GCNT2: variants seen among roughly 807,000 people sequenced by gnomAD.
GCNT2 encodes the protein glucosaminyl (N-acetyl) transferase 2 (I blood group), also known as N-acetyllactosaminide beta-1,6-N-acetylglucosaminyl-transferase.
A neutral mutation model predicts 34.2 loss-of-function variants in GCNT2; 34 were observed. The observed-to-expected ratio is 1.00, with a 90% CI of 0.76 to 1.32. GCNT2 has a LOEUF of 1.32. GCNT2 is among the 40% of genes most tolerant of loss of function. GCNT2 has a pLI of 0.00. For synonymous variants in GCNT2, 212 were observed against 188.0 expected (o/e 1.13, Z -1.04); for missense variants, 584 against 489.4 (o/e 1.19, Z -1.82).
chr6:10,618,505 T>C (rs1765891681), intron 3 of GCNT2, among the ~76,000 whole-genome samples: 2 of 152,238 alleles, frequency 1.3e-5, no homozygotes, highest in Non-Finnish European at 2.9e-5. Flanking sequence ...TCTTGTGCTT[T>C]CAAAAATAGT....
intron 3 of GCNT2, among the ~76,000 whole-genome samples, chr6:10,598,307 C>T (rs1251913331): frequency 1.3e-5 from 2 of 152,192 alleles, no homozygotes; most frequent in Non-Finnish European, 2.9e-5. Flanking sequence ...GTGAGAGTTA[C>T]AGACTATGGG....
intron 3 of GCNT2, among the ~76,000 whole-genome samples, chr6:10,546,672 G>T (rs1762285137): frequency 6.6e-6 from 1 of 151,936 alleles, no homozygotes; most frequent in Admixed American, 6.6e-5. Flanking sequence ...GAAAAGAAAA[G>T]AAAATATTAC....
At chr6:10,588,841 T>C (rs958257461) in intron 3 of GCNT2, among the ~76,000 whole-genome samples, 4 of 144,490 alleles carry the variant, frequency 2.8e-5, no homozygotes, top group East Asian at 2.0e-4. Flanking sequence ...ATGTGTGTGG[T>C]GTGTGTGTGG....
chr6:10,624,448 T>G (rs1408587895), intron 4 of GCNT2, among the ~76,000 whole-genome samples: 1 of 152,056 alleles, frequency 6.6e-6, no homozygotes, highest in Non-Finnish European at 1.5e-5. Flanking sequence ...ACTTACTCAC[T>G]ACCACAAGAA....
chr6:10,565,523 T>C (rs1284549437), intron 3 of GCNT2, among the ~76,000 whole-genome samples: 1 of 152,178 alleles, frequency 6.6e-6, no homozygotes, highest in African/African-American at 2.4e-5. Context: ...CCCGCAACCT[T>C]GGCATTGTCA....
chr6:10,585,081 G>A (rs112884320), intron 3 of GCNT2, among the ~76,000 whole-genome samples: 17 of 88,794 alleles, frequency 1.9e-4, no homozygotes, highest in South Asian at 5.3e-4. Context: ...GTGTGTGTGC[G>A]CGCTATATTC....
chr6:10,563,728 TGA>T (rs1363573962), intron 3 of GCNT2, among the ~76,000 whole-genome samples: 1 of 121,710 alleles, frequency 8.2e-6, no homozygotes, highest in Admixed American at 1.1e-4. Flanking sequence ...GGTGACAGAG[TGA>T]GACTCCATCT....
intron 3 of GCNT2, chr6:10,581,956 ATAG>A (rs1391571062): frequency 1.2e-5 from 6 of 498,110 alleles, no homozygotes; most frequent in African/African-American, 1.1e-4. Context: ...ACATAATAAA[ATAG>A]TAATATATAT....
chr6:10,556,498 C>G, intron 3 of GCNT2: 1 of 1,614,010 alleles, frequency 6.2e-7, no homozygotes, highest in Non-Finnish European at 8.5e-7. Flanking sequence ...TCTCTGTGTT[C>G]AATTTTGGGG....
chr6:10,617,159 G>A (rs922018141), intron 3 of GCNT2, among the ~76,000 whole-genome samples: 3 of 152,160 alleles, frequency 2.0e-5, no homozygotes, highest in Non-Finnish European at 4.4e-5. Flanking sequence ...ATGGCGGTCG[G>A]GGGGAGGCTC....
At chr6:10,575,566 C>T (rs1469577503) in intron 3 of GCNT2, among the ~76,000 whole-genome samples, 1 of 152,028 alleles carries the variant, frequency 6.6e-6, no homozygotes, top group Non-Finnish European at 1.5e-5. Flanking sequence ...TGTCAGGCCT[C>T]TGAGCCCAAG....
At chr6:10,626,350 C>G in intron 4 of GCNT2, 67 bp from the exon 5 acceptor site, 4 of 1,131,094 alleles carry the variant, frequency 3.5e-6, no homozygotes, top group Non-Finnish European at 4.0e-6. Flanking sequence ...CTCTAGTATT[C>G]TGTAAGTTCA....
rs557486400 is a variant in GCNT2 at position 10,557,007 on chromosome 6, T to G, written c.925+27171T>G. ...AACACCTGTGGGCAAGACTTCCCCC[T>G]GAAAACCAACAAGGAAATAGTTCAG... On this transcript the variant is annotated intron_variant, in intron 3 of 4. Coordinates refer to ENST00000495262, the MANE Select transcript of GCNT2 (RefSeq NM_145649.5). 4.3e-6 allele frequency: 7 copies of G among 1,613,602 alleles called. No homozygotes were observed. The South Asian group carries it at 6.6e-5, about 15-fold the overall frequency.
chr6:10,604,625 C>G (rs1765230894), intron 3 of GCNT2, among the ~76,000 whole-genome samples: 1 of 152,072 alleles, frequency 6.6e-6, no homozygotes, highest in Non-Finnish European at 1.5e-5. Context: ...CTTTGAGAGG[C>G]CAAGGCAGGT....
chr6:10,532,306 G>A (rs536752890), intron 3 of GCNT2, among the ~76,000 whole-genome samples: 1 of 152,298 alleles, frequency 6.6e-6, no homozygotes, highest in Admixed American at 6.5e-5. Context: ...TAACAGATTG[G>A]CAAAGCAATA....
chr6:10,615,804 T>C (rs893478092), intron 3 of GCNT2, among the ~76,000 whole-genome samples: 12 of 152,224 alleles, frequency 7.9e-5, no homozygotes, highest in African/African-American at 1.9e-4. Context: ...GTTTAGACCA[T>C]AGAGGGCAAC....
intron 3 of GCNT2, among the ~76,000 whole-genome samples, chr6:10,551,516 G>A (rs867292175): frequency 2.6e-5 from 4 of 150,982 alleles, no homozygotes; most frequent in Middle Eastern, 3.4e-3. Context: ...CACGATTTCG[G>A]CTCACAGCAA....
intron 3 of GCNT2, chr6:10,586,135 G>A (rs745637246): frequency 1.2e-6 from 2 of 1,614,094 alleles, no homozygotes; most frequent in African/African-American, 1.3e-5. Context: ...AAAACTGCCT[G>A]TAATCACGCC....
chr6:10,600,609 T>G (rs552210083), intron 3 of GCNT2, among the ~76,000 whole-genome samples: 1 of 152,254 alleles, frequency 6.6e-6, no homozygotes, highest in South Asian at 2.1e-4. Context: ...CTGCTTGCCT[T>G]TTCCGGAAAG....
Sources: gnomAD v4.1 joint callset for allele counts (sites outside exome capture counted in the v4.1 genomes callset) on GRCh38, gnomAD v4.1.1 for gene constraint, MANE v1.5 for transcripts, NCBI Gene and HGNC (gene_info 2026-07-23, HGNC 2026-07-21) for gene names.